The following FAM135A variants were observed in gnomAD, a reference collection of about 807,000 sequenced individuals.
The protein encoded by FAM135A is family with sequence similarity 135 member A, also known as protein FAM135A.
In FAM135A, 79 loss-of-function variants were observed where a neutral mutation model predicts 146.8. That is an observed-to-expected ratio of 0.54 (90% confidence interval 0.45 to 0.65). The LOEUF is 0.65. Among genes scored for constraint, FAM135A ranks in the 30% least tolerant of loss-of-function variants. The pLI, the probability that FAM135A is intolerant of heterozygous loss-of-function variation, is 0.00. For synonymous variants in FAM135A, 562 were observed against 603.6 expected, an observed-to-expected ratio of 0.93 and a Z score of 1.01; for missense variants, 1,623 against 1,758.2, an observed-to-expected ratio of 0.92 and a Z score of 1.38.
chr6:70,513,948 A>G (rs893032932), intron 12 of FAM135A, among the ~76,000 whole-genome samples: 4 of 151,718 alleles, frequency 2.6e-5, no homozygotes, highest in East Asian at 1.9e-4. Flanking sequence ...CAGTTTGACT[A>G]TGATATGCCT....
chr6:70,528,667 T>C (rs1477951304), intron 16 of FAM135A, among the ~76,000 whole-genome samples: 1 of 150,990 alleles, frequency 6.6e-6, no homozygotes, highest in Non-Finnish European at 1.5e-5. Flanking sequence ...TCCATGGAAC[T>C]GACACTCATG....
intron 20 of FAM135A, among the ~76,000 whole-genome samples, chr6:70,543,894 T>A (rs906728118): frequency 1.3e-5 from 2 of 152,222 alleles, no homozygotes; most frequent in African/African-American, 2.4e-5. Context: ...TAGTGCGTGA[T>A]CTGGTTGTAC....
chr6:70,464,236 C>T (rs1582307487), intron 5 of FAM135A, among the ~76,000 whole-genome samples: 2 of 152,086 alleles, frequency 1.3e-5, no homozygotes, highest in South Asian at 2.1e-4. Context: ...ATTTAGAAGC[C>T]TCTAATTATC....
rs117989881 is a variant in FAM135A at position 70,435,400 on chromosome 6, C to T, written c.77+6981C>T. ...GATTACAGGCGTGAGTGACCGCACC[C>T]GGCCTAGAAATTACATTCTTAAATT... On this transcript the variant is annotated intron_variant, in intron 4 of 21. Coordinates refer to ENST00000418814, the MANE Select transcript of FAM135A (RefSeq NM_001162529.3). 1.3e-3 allele frequency among the ~76,000 whole-genome samples: 198 copies of T among 152,164 alleles called. 1 individual carries two copies. The East Asian group carries it at 0.034, about 26-fold the overall frequency.
At chr6:70,433,304 G>C (rs1772137574) in intron 4 of FAM135A, among the ~76,000 whole-genome samples, 2 of 151,952 alleles carry the variant, frequency 1.3e-5, no homozygotes, top group Admixed American at 1.3e-4. Context: ...TTGATCTCCT[G>C]ACCTCATGAT....
At position 70,487,627 on chromosome 6, in the gene FAM135A, A is replaced by G. The variant is rs548702856; in HGVS notation, c.824-3407A>G. ...TGTCAGGAAGGAAAAAGAAGAGTTG[A>G]AAATTTATTGTCATTCTTTCTGGAA... is the stretch of plus-strand genomic sequence containing the variant. On this transcript the variant is annotated intron_variant, in intron 10 of 21. Transcript: ENST00000418814. Among the ~76,000 whole-genome samples, 27 of 152,296 alleles carry G rather than the reference A, an allele frequency of 1.8e-4. No individual in the cohort carries two copies. The Middle Eastern group carries it at 0.02, about 115-fold the overall frequency.
At chr6:70,452,605 A>T in intron 5 of FAM135A, 34 bp downstream of exon 5, 2 of 1,473,892 alleles carry the variant, frequency 1.4e-6, no homozygotes, top group Non-Finnish European at 9.2e-7. Flanking sequence ...TTTAAAAAGT[A>T]ATCTGAATGG....
intron 5 of FAM135A, among the ~76,000 whole-genome samples, chr6:70,457,309 T>G (rs918983224): frequency 1.1e-4 from 17 of 152,208 alleles, no homozygotes; most frequent in Non-Finnish European, 4.4e-5. Context: ...TTATTATATT[T>G]GATAGTGACA....
intron 5 of FAM135A, among the ~76,000 whole-genome samples, chr6:70,474,190 T>G (rs547400329): frequency 1.1e-4 from 16 of 152,328 alleles, no homozygotes; most frequent in African/African-American, 3.1e-4. Context: ...CAGCTTATGT[T>G]GACATCCTCA....
chr6:70,508,938 C>T (rs76230317), intron 12 of FAM135A, among the ~76,000 whole-genome samples: 3,836 of 152,194 alleles, frequency 0.025, 166 homozygotes, highest in African/African-American at 0.088. Context: ...GAAAAGAATT[C>T]CTTGCTCAAG....
intron 4 of FAM135A, among the ~76,000 whole-genome samples, chr6:70,449,721 C>T (rs1402340042): frequency 6.6e-6 from 1 of 152,016 alleles, no homozygotes; most frequent in African/African-American, 2.4e-5. Context: ...CTGCAGTGAA[C>T]ATGGGAGGGC....
intron 4 of FAM135A, among the ~76,000 whole-genome samples, chr6:70,432,815 T>C (rs1339949039): frequency 1.3e-5 from 2 of 151,980 alleles, no homozygotes; most frequent in Admixed American, 6.5e-5. Context: ...TAATTCTCTT[T>C]AGGATCCTAA....
At chr6:70,549,241 A>T (rs988778242) in intron 20 of FAM135A, among the ~76,000 whole-genome samples, 1 of 152,188 alleles carries the variant, frequency 6.6e-6, no homozygotes, top group Admixed American at 6.5e-5. Context: ...GAATCGACAT[A>T]AATGTCCTTT....
intron 7 of FAM135A, among the ~76,000 whole-genome samples, chr6:70,476,315 G>T (rs7765110): frequency 0.046 from 7,029 of 152,062 alleles, 360 homozygotes; most frequent in African/African-American, 0.11. Context: ...TTTATGCAGG[G>T]TTTTTTCCCC....
At position 70,533,241 on chromosome 6, in the gene FAM135A, A is replaced by G; in HGVS notation, c.3857A>G (p.Glu1286Gly). Residue 1286 changes from glutamate (E) to glycine (G), a missense_variant, in exon 17 of 22, where the codon GAG becomes GGG. By Grantham distance (98) the Glu-to-Gly change is moderately conservative. Transcript: ENST00000418814. ...PGGRIDFLMS[E>G]RNQNDTFADF... ...GGAAGAATTGATTTTCTTATGTCTG[A>G]GAGAAATCAGGTACAATATGACAGT... is the stretch of plus-strand genomic sequence containing the variant. The G allele has an allele frequency of 1.2e-6, 2 of 1,612,300 alleles. No homozygotes were observed. Among genetic ancestry groups the G allele is most frequent in the Non-Finnish European group, 1.7e-6 (2 of 1,178,710 alleles).
Position 70,524,952 on chromosome 6 carries a change from A to T in FAM135A, c.1868A>T (p.Asp623Val). The T allele has an allele frequency of 1.2e-6, 2 of 1,607,044 alleles. No individual in the cohort carries two copies. The highest frequency in any genetic ancestry group is 2.2e-5 in the South Asian group (2 of 89,376). ...SISGKLDISQ[D>V]DSEITQMEHN... ...TCAGGTAAACTTGATATCTCCCAGGACGATAGTGAAATTACACAAATGGAA... is the reference window on the plus strand; with the variant it reads ...TCAGGTAAACTTGATATCTCCCAGGTCGATAGTGAAATTACACAAATGGAA... The change falls in exon 15 of 22, where the codon GAC (aspartate) becomes GTC (valine). Residue 623 changes from aspartate to valine, a missense_variant. Transcript: ENST00000418814.
At chr6:70,437,866 A>G (rs1053424516) in intron 4 of FAM135A, among the ~76,000 whole-genome samples, 3 of 152,296 alleles carry the variant, frequency 2.0e-5, no homozygotes, top group Non-Finnish European at 2.9e-5. Flanking sequence ...TTATTTCTCT[A>G]TATTTATTAA....
intron 7 of FAM135A, among the ~76,000 whole-genome samples, chr6:70,476,954 A>AATAGTCCC (rs1782729178): frequency 6.6e-6 from 1 of 152,170 alleles, no homozygotes; most frequent in Non-Finnish European, 1.5e-5. Context: ...ACTGATAGAA[A>AATAGTCCC]ACAATAATAG....
In FAM135A at chr6:70,452,587, C is replaced by T. The variant is rs1299405051; in HGVS notation, c.157+16C>T. On this transcript the variant is annotated intron_variant, in intron 5 of 21. Coordinates refer to ENST00000418814, the MANE Select transcript of FAM135A (RefSeq NM_001162529.3). ...CATGCAACAGGTAAGCCAAAGAATACATTCAAATTTAAAAAGTAATCTGAA... is the reference window on the plus strand; with the variant it reads ...CATGCAACAGGTAAGCCAAAGAATATATTCAAATTTAAAAAGTAATCTGAA... The T allele has an allele frequency of 3.9e-6, 6 of 1,537,692 alleles. No homozygotes were observed. In the Admixed American group the frequency reaches 1.4e-4, roughly 36 times the overall value.
Sources: allele counts gnomAD v4.1 joint callset (sites outside exome capture counted in the v4.1 genomes callset), GRCh38; gene constraint gnomAD v4.1.1; transcripts MANE v1.5; gene names NCBI Gene and HGNC (gene_info 2026-07-23, HGNC 2026-07-21).